The following TOX variants were observed in gnomAD, a reference collection of about 807,000 sequenced individuals.
TOX encodes thymocyte selection associated high mobility group box.
A neutral mutation model predicts 53.7 loss-of-function variants in TOX; 11 were observed. The observed-to-expected ratio is 0.20, with a 90% CI of 0.13 to 0.34. The LOEUF is 0.34. Among genes scored for constraint, TOX ranks in the 10% least tolerant of loss-of-function variants. The pLI, the probability that TOX is intolerant of heterozygous loss-of-function variation, is 1.00. For synonymous variants in TOX, 225 were observed against 245.3 expected (o/e 0.92, Z 0.77); for missense variants, 570 against 664.6 (o/e 0.86, Z 1.56).
chr8:59,046,858 C>CAAAAAAAAAAAAAAAAAAAAAAAA (rs34869193), intron 1 of TOX, among the ~76,000 whole-genome samples: 2 of 77,910 alleles, frequency 2.6e-5, no homozygotes, highest in East Asian at 3.7e-4. Context: ...GACTATGTCT[C>CAAAAAAAAAAAAAAAAAAAAAAAA]AAAAAAAAAA....
chr8:58,999,024 A>G (rs547381571), intron 1 of TOX, among the ~76,000 whole-genome samples: 2 of 152,328 alleles, frequency 1.3e-5, no homozygotes. Flanking sequence ...TTACTTTAAA[A>G]TTAAAACATT....
intron 3 of TOX, among the ~76,000 whole-genome samples, chr8:58,929,653 T>C (rs1051088579): frequency 5.9e-5 from 9 of 152,122 alleles, no homozygotes; most frequent in African/African-American, 1.7e-4. Flanking sequence ...TATGATTTCA[T>C]GACAAAATGA....
At chr8:58,848,066 A>C (rs1188793167) in intron 4 of TOX, among the ~76,000 whole-genome samples, 1 of 152,152 alleles carries the variant, frequency 6.6e-6, no homozygotes. Context: ...AGGTTTATTC[A>C]GTTACAGAAT....
In TOX at chr8:59,018,160, T is replaced by C. The variant is rs79083734; in HGVS notation, c.103-58152A>G. Among the ~76,000 whole-genome samples, 782 of 152,276 alleles carry C rather than the reference T, an allele frequency of 5.1e-3. 9 individuals carry two copies. The highest frequency in any genetic ancestry group is 0.018 in the African/African-American group (734 of 41,546). ...TGTTCAACAAAATATTTTCAGCCATTGAAATGGTAAGGTTTTAAGGAAATC... is the reference window on the plus strand; with the variant it reads ...TGTTCAACAAAATATTTTCAGCCATCGAAATGGTAAGGTTTTAAGGAAATC... On this transcript the variant is annotated intron_variant, in intron 1 of 8. Coordinates refer to ENST00000361421, the MANE Select transcript of TOX (RefSeq NM_014729.3).
chr8:58,992,774 T>C (rs1813480236), intron 1 of TOX: 1 of 152,240 alleles, frequency 6.6e-6, no homozygotes, highest in African/African-American at 2.4e-5. Flanking sequence ...TTAAACATTT[T>C]TCACATCAAT....
At chr8:58,883,892 T>C (rs1354677168) in intron 3 of TOX, among the ~76,000 whole-genome samples, 1 of 152,168 alleles carries the variant, frequency 6.6e-6, no homozygotes, top group Non-Finnish European at 1.5e-5. Context: ...AAATAAAGAT[T>C]GTGTGAATCT....
intron 1 of TOX, among the ~76,000 whole-genome samples, chr8:59,001,969 C>CTTTT (rs1182278313): frequency 4.4e-5 from 5 of 114,628 alleles, no homozygotes; most frequent in African/African-American, 1.4e-4. Flanking sequence ...TACAGAAGTA[C>CTTTT]TTTTTTTTTT....
chr8:58,964,082 GACA>G (rs1021844558), intron 1 of TOX, among the ~76,000 whole-genome samples: 13 of 151,836 alleles, frequency 8.6e-5, no homozygotes, highest in African/African-American at 2.9e-4. Flanking sequence ...GAACAACAAC[GACA>G]ACAACAACAA....
At chr8:58,936,223 A>G (rs1483703113) in intron 3 of TOX, among the ~76,000 whole-genome samples, 2 of 152,168 alleles carry the variant, frequency 1.3e-5, no homozygotes, top group African/African-American at 2.4e-5. Context: ...TGATTTTTGA[A>G]CACTCTCCAA....
intron 4 of TOX, among the ~76,000 whole-genome samples, chr8:58,842,433 C>A (rs1195323728): frequency 1.3e-5 from 2 of 152,186 alleles, no homozygotes; most frequent in African/African-American, 4.8e-5. Flanking sequence ...CCAAGGGCCT[C>A]TTGAGCCTCT....
chr8:58,889,933 G>A (rs1318268497), intron 3 of TOX, among the ~76,000 whole-genome samples: 1 of 152,030 alleles, frequency 6.6e-6, no homozygotes. Flanking sequence ...AACCTTAGAG[G>A]CTATATATGT....
At chr8:58,963,565 ACT>A (rs1812839186) in intron 1 of TOX, among the ~76,000 whole-genome samples, 1 of 152,046 alleles carries the variant, frequency 6.6e-6, no homozygotes, top group South Asian at 2.1e-4. Context: ...TTGCTATGAG[ACT>A]CTCTGCTCAC....
chr8:58,891,077 T>A (rs1049915672), intron 3 of TOX, among the ~76,000 whole-genome samples: 31 of 152,028 alleles, frequency 2.0e-4, no homozygotes, highest in African/African-American at 7.5e-4. Context: ...ATCTAGGGAT[T>A]CAAAGAAGGA....
At chr8:59,011,033 G>A (rs1488236913) in intron 1 of TOX, among the ~76,000 whole-genome samples, 1 of 152,170 alleles carries the variant, frequency 6.6e-6, no homozygotes, top group Non-Finnish European at 1.5e-5. Flanking sequence ...AGTTTGCCTG[G>A]ATAAAGAAAG....
intron 1 of TOX, among the ~76,000 whole-genome samples, chr8:59,025,645 C>G (rs188487500): frequency 1.5e-4 from 23 of 152,260 alleles, no homozygotes; most frequent in East Asian, 5.8e-4. Flanking sequence ...TCTGCCTTCT[C>G]CCCCTAGTCT....
chr8:59,028,334 A>G (rs947565713), intron 1 of TOX, among the ~76,000 whole-genome samples: 3 of 152,138 alleles, frequency 2.0e-5, no homozygotes, highest in African/African-American at 7.2e-5. Flanking sequence ...GAGCTACAAA[A>G]ATGAAACGTT....
chr8:58,880,836 A>G (rs1246185695), intron 3 of TOX, among the ~76,000 whole-genome samples: 2 of 152,212 alleles, frequency 1.3e-5, no homozygotes, highest in African/African-American at 4.8e-5. Context: ...GGGCTTATTG[A>G]AAGGAGGGTT....
rs111277244 is a variant in TOX at position 58,855,276 on chromosome 8, C to A, written c.412-3471G>T. 3.0e-3 allele frequency among the ~76,000 whole-genome samples: 461 copies of A among 152,238 alleles called. 5 individuals are homozygous for A. The highest frequency in any genetic ancestry group is 0.011 in the African/African-American group (438 of 41,550). ...GGGAAATGTTCTCAACTAAAATGTACAATTCTGACCCAAATTCCAAGCCTA... is the reference window on the plus strand; with the variant it reads ...GGGAAATGTTCTCAACTAAAATGTAAAATTCTGACCCAAATTCCAAGCCTA... On this transcript the variant is annotated intron_variant, in intron 3 of 8. Transcript: ENST00000361421.
intron 1 of TOX, among the ~76,000 whole-genome samples, chr8:58,986,771 G>GT (rs1239605331): frequency 6.6e-5 from 10 of 152,260 alleles, no homozygotes; most frequent in Non-Finnish European, 4.4e-5. Flanking sequence ...TGGCTATCTT[G>GT]TCAGACAACT....
Sources: allele counts gnomAD v4.1 joint callset (sites outside exome capture counted in the v4.1 genomes callset), GRCh38; gene constraint gnomAD v4.1.1; transcripts MANE v1.5; gene names NCBI Gene and HGNC (gene_info 2026-07-23, HGNC 2026-07-21).